Variants in SHB observed in about 807,000 individuals in gnomAD.
The protein encoded by SHB is SH2 domain-containing adapter protein B.
A neutral mutation model predicts 52.3 loss-of-function variants in SHB; 20 were observed. The ratio of observed to expected loss-of-function variants is 0.38; its 90% CI spans 0.27 to 0.56. The LOEUF (loss-of-function observed/expected upper bound fraction) is 0.56. Ranked by LOEUF, SHB falls within the 20% of genes least tolerant of loss-of-function variation. The probability of loss-of-function intolerance (pLI) is 0.71; values close to 1 mark genes in which losing one functional copy is unlikely to be tolerated. For missense variants in SHB, 825 were observed against 723.3 expected (o/e 1.14, Z -1.61); for synonymous variants, 397 against 316.5 (o/e 1.25, Z -2.70).
chr9:37,946,744 TCCAGGCCAGGCCCCC>T (rs1832495839), intron 5 of SHB, among the ~76,000 whole-genome samples: 2 of 152,102 alleles, frequency 1.3e-5, no homozygotes, highest in African/African-American at 4.8e-5. Flanking sequence ...TGGAGGCCCC[TCCAGGCCAGGCCCCC>T]AGCCACGGGG....
intron 5 of SHB, among the ~76,000 whole-genome samples, chr9:37,941,426 T>TA (rs1832432746): frequency 6.6e-6 from 1 of 152,164 alleles, no homozygotes; most frequent in African/African-American, 2.4e-5. Context: ...ACTACCCTGT[T>TA]AGTATGTGGC....
At chr9:37,991,051 G>A (rs1820874488) in intron 2 of SHB, among the ~76,000 whole-genome samples, 1 of 152,138 alleles carries the variant, frequency 6.6e-6, no homozygotes, top group South Asian at 2.1e-4. Flanking sequence ...CTTACTCAGA[G>A]CACATATTAC....
rs1486484550 is a variant in SHB at position 37,918,188 on chromosome 9, A to C, written c.*1633T>G. On this transcript the variant is annotated 3_prime_UTR_variant, in exon 6 of 6. Transcript: ENST00000377707. ...GTCAAACTTCTAGTTCATTCAGACC[A>C]GCTGGTGCCTGGCGAAGGCTCTGGA... Among the ~76,000 whole-genome samples, 4 of 152,248 alleles carry C rather than the reference A, an allele frequency of 2.6e-5. No individual in the cohort carries two copies. Among genetic ancestry groups the C allele is most frequent in the African/African-American group, 9.6e-5 (4 of 41,468 alleles).
In SHB at chr9:37,918,967, T is replaced by C. The variant is rs1309372905; in HGVS notation, c.*854A>G. 6.6e-6 allele frequency among the ~76,000 whole-genome samples: 1 copy of C among 152,140 alleles called. No individual in the cohort carries two copies. The highest frequency in any genetic ancestry group is 1.5e-5 in the Non-Finnish European group (1 of 68,008). On this transcript the variant is annotated 3_prime_UTR_variant, in exon 6 of 6. Coordinates refer to ENST00000377707, the MANE Select transcript of SHB (RefSeq NM_003028.3). ...GCCCAGTTGTCAGAGCAGACGGCTCTTGTGTCCAGAGCTGCTGAGGGCTGG... is the reference window on the plus strand; with the variant it reads ...GCCCAGTTGTCAGAGCAGACGGCTCCTGTGTCCAGAGCTGCTGAGGGCTGG...
At chr9:38,049,483 C>T (rs1013159466) in intron 1 of SHB, among the ~76,000 whole-genome samples, 3 of 151,828 alleles carry the variant, frequency 2.0e-5, no homozygotes, top group African/African-American at 4.8e-5. Context: ...CGGTGAGGCG[C>T]GCCTGTAATC....
chr9:37,945,425 G>A (rs2117881610), intron 5 of SHB, among the ~76,000 whole-genome samples: 1 of 152,268 alleles, frequency 6.6e-6, no homozygotes, highest in East Asian at 1.9e-4. Flanking sequence ...TCGGGAGCTG[G>A]GGCTCCTCTG....
chr9:37,948,920 G>C (rs547208795), intron 4 of SHB, among the ~76,000 whole-genome samples, 166 bp from the exon 5 acceptor site: 2 of 152,324 alleles, frequency 1.3e-5, no homozygotes, highest in African/African-American at 4.8e-5. Context: ...CGGGTCCTGG[G>C]GAGAGCACAG....
chr9:38,053,585 T>A (rs1821779315), intron 1 of SHB, among the ~76,000 whole-genome samples: 1 of 152,058 alleles, frequency 6.6e-6, no homozygotes, highest in African/African-American at 2.4e-5. Context: ...GTTGTGGGAA[T>A]CAGTGAGCTA....
intron 3 of SHB, among the ~76,000 whole-genome samples, chr9:37,958,194 G>A (rs551018816): frequency 6.6e-5 from 10 of 152,050 alleles, no homozygotes; most frequent in African/African-American, 2.4e-4. Flanking sequence ...GAGAGCATGT[G>A]TACACGGGCA....
At chr9:37,946,632 A>G (rs7023756) in intron 5 of SHB, among the ~76,000 whole-genome samples, 19,839 of 152,184 alleles carry the variant, frequency 0.13, 1,346 homozygotes, top group African/African-American at 0.18. Context: ...ACCTCTGCCT[A>G]GAAGAACAGG....
chr9:37,997,621 T>C (rs1014176798), intron 2 of SHB, among the ~76,000 whole-genome samples: 3 of 151,960 alleles, frequency 2.0e-5, no homozygotes, highest in Non-Finnish European at 2.9e-5. Context: ...CACAGGAGGG[T>C]ACAAAATGAC....
intron 5 of SHB, among the ~76,000 whole-genome samples, chr9:37,928,251 T>C (rs1229333058): frequency 6.6e-6 from 1 of 152,124 alleles, no homozygotes; most frequent in South Asian, 2.1e-4. Flanking sequence ...GCTCCCCTCA[T>C]GGAGGGAGAC....
chr9:38,011,551 A>C (rs1219191537), intron 2 of SHB, among the ~76,000 whole-genome samples: 1 of 152,174 alleles, frequency 6.6e-6, no homozygotes, highest in East Asian at 1.9e-4. Context: ...CACTCTGCTT[A>C]AAACGCAGAT....
Position 37,948,641 on chromosome 9 carries a change from G to A in SHB, c.1340C>T (p.Ser447Phe). The A allele has an allele frequency of 1.2e-6, 2 of 1,613,634 alleles. No individual in the cohort carries two copies. Among genetic ancestry groups the A allele is most frequent in the Non-Finnish European group, 1.7e-6 (2 of 1,180,010 alleles). ...SQTSKHDYSL[S>F]LRSNQGFMHM... The stretch of plus-strand genomic sequence containing the variant: ...TGCTCGGGGCGGCACTCACCTCAGG[G>A]AGAGGGAGTAGTCATGCTTGCTGGT... Residue 447 changes from serine (S) to phenylalanine (F), a missense_variant, in exon 5 of 6, where the codon TCC (serine) becomes TTC (phenylalanine). By Grantham distance (155) the Ser-to-Phe change is radical. Transcript: ENST00000377707.
chr9:37,920,519 G>T (rs1009461407), intron 5 of SHB, among the ~76,000 whole-genome samples: 1 of 152,186 alleles, frequency 6.6e-6, no homozygotes, highest in African/African-American at 2.4e-5. Flanking sequence ...TTCAGTAGTA[G>T]GAAACTGTCA....
At chr9:38,001,686 T>TA (rs1408154123) in intron 2 of SHB, among the ~76,000 whole-genome samples, 1 of 152,324 alleles carries the variant, frequency 6.6e-6, no homozygotes, top group South Asian at 2.1e-4. Context: ...AGCAGCCTCT[T>TA]AGAGTGGGAG....
At chr9:38,007,660 T>G (rs1449568011) in intron 2 of SHB, among the ~76,000 whole-genome samples, 1 of 152,234 alleles carries the variant, frequency 6.6e-6, no homozygotes, top group East Asian at 1.9e-4. Context: ...TCAACCAGTG[T>G]TTACTGACAA....
rs528601214 is a variant in SHB, at chr9:38,015,240, G to C, written c.838+771C>G. On this transcript the variant is annotated intron_variant, in intron 2 of 5. Coordinates refer to ENST00000377707, the MANE Select transcript of SHB (RefSeq NM_003028.3). ...TTGAACCAGGAGAAGCCACAACAGG[G>C]GTTTCCCTTTTGCTTGTGACCTCCC... is the stretch of plus-strand genomic sequence containing the variant. 1,099 of 595,174 alleles carry C rather than the reference G, an allele frequency of 1.8e-3. 13 individuals are homozygous for C. The highest frequency in any genetic ancestry group is 0.013 in the South Asian group (648 of 49,514). 36.9% of individuals were successfully genotyped at this position (595,174 alleles called of 1,614,324 possible).
intron 1 of SHB, among the ~76,000 whole-genome samples, chr9:38,052,727 A>C (rs996800443): frequency 1.3e-5 from 2 of 150,738 alleles, no homozygotes; most frequent in African/African-American, 2.4e-5. Flanking sequence ...CCTTTCACTC[A>C]CTCCCTCCAC....
Sources: allele counts gnomAD v4.1 joint callset (sites outside exome capture counted in the v4.1 genomes callset), GRCh38; gene constraint gnomAD v4.1.1; transcripts MANE v1.5; gene names NCBI Gene and HGNC (gene_info 2026-07-23, HGNC 2026-07-21).